LTF: variants seen among roughly 807,000 people sequenced by gnomAD.
LTF encodes the protein lactotransferrin.
In LTF, 91 loss-of-function variants were observed where a neutral mutation model predicts 87.2. The ratio of observed to expected loss-of-function variants is 1.04; its 90% CI spans 0.88 to 1.24. The LOEUF is 1.24. LTF is among the 50% of genes most tolerant of loss of function. The probability of loss-of-function intolerance (pLI) is 0.00; values close to 1 mark genes in which losing one functional copy is unlikely to be tolerated. For missense variants in LTF, 901 were observed against 904.3 expected, an observed-to-expected ratio of 1.00 and a Z score of 0.05; for synonymous variants, 378 against 356.1, an observed-to-expected ratio of 1.06 and a Z score of -0.69.
intron 2 of LTF, among the ~76,000 whole-genome samples, chr3:46,456,762 G>A (rs568972860): frequency 6.6e-6 from 1 of 152,308 alleles, no homozygotes; most frequent in East Asian, 1.9e-4. Flanking sequence ...AGAAAATATA[G>A]TTATTAAGCT....
chr3:46,472,488 T>TGTGTG (rs1703304601), intron 1 of LTF, among the ~76,000 whole-genome samples: 5 of 106,928 alleles, frequency 4.7e-5, no homozygotes, highest in Non-Finnish European at 9.3e-5. Flanking sequence ...GAAAAGATTA[T>TGTGTG]TGTGTGTGTG....
At position 46,445,038 on chromosome 3, in the gene LTF, G is replaced by A. The variant is rs146765214; in HGVS notation, c.1513+243C>T. Among the ~76,000 whole-genome samples the A allele has an allele frequency of 9.0e-3, 1,377 of 152,298 alleles. 18 individuals are homozygous for A. Among genetic ancestry groups the A allele is most frequent in the African/African-American group, 0.032 (1,309 of 41,550 alleles). On this transcript the variant is annotated intron_variant, in intron 12 of 16. Coordinates refer to ENST00000231751, the MANE Select transcript of LTF (RefSeq NM_002343.6). Reference sequence around the variant, plus strand: ...TTATTCTTAGGGTGCAGCGAAATAGGCAGATATTCCAATCTTTAATCTTGG... The same window carrying A: ...TTATTCTTAGGGTGCAGCGAAATAGACAGATATTCCAATCTTTAATCTTGG...
upstream of LTF, among the ~76,000 whole-genome samples, chr3:46,466,265 T>A (rs1316775572): frequency 6.6e-6 from 1 of 151,466 alleles, no homozygotes; most frequent in African/African-American, 2.4e-5. Context: ...AAAGGGTAAC[T>A]AAGTGAAGAA....
intron 1 of LTF, among the ~76,000 whole-genome samples, chr3:46,473,936 G>A (rs1208271991): frequency 1.3e-5 from 2 of 152,002 alleles, no homozygotes; most frequent in African/African-American, 2.4e-5. Context: ...TAATACCTAC[G>A]GTAACCACTA....
Position 46,435,818 on chromosome 3 carries a change from G to A in LTF, c.*377C>T, listed in dbSNP as rs1702372713. ...AGACAGCTATGTGAATAACCAACAA[G>A]ATCCCCTTAGGAAAACCGGTGCTTG... On this transcript the variant is annotated 3_prime_UTR_variant, in exon 17 of 17. Transcript: ENST00000231751. 3.6e-6 allele frequency: 1 copy of A among 279,854 alleles called. No homozygotes were observed. The allele number at this position is 279,854 out of a possible 1,614,324, so 17.3% of individuals were successfully genotyped here. A position where few individuals can be genotyped will look rare whatever the true frequency, so the allele number is the denominator to read the frequency against.
At chr3:46,443,415 C>G (rs755773443) in intron 13 of LTF, 26 bp downstream of exon 13, 2 of 1,613,454 alleles carry the variant, frequency 1.2e-6, no homozygotes, top group East Asian at 2.2e-5. Flanking sequence ...AGTCCCCATC[C>G]TGATGGAGCT....
Position 46,455,804 on chromosome 3 carries a change from A to T in LTF, c.491T>A (p.Ile164Asn). The change falls in exon 4 of 17, where the codon ATT becomes AAT. Residue 164 changes from isoleucine to asparagine, a missense_variant. Physicochemically the swap from Ile to Asn is moderately radical, Grantham distance 149. Transcript: ENST00000231751. ...TCCCCCAGCCATCTTACCTGCCTCA[A>T]TGGGCTCAGGTGGACCCGTCCAATT... is the stretch of plus-strand genomic sequence containing the variant. ...FLNWTGPPEP[I>N]EAAVARFFSA... 4 of 1,564,814 alleles carry T rather than the reference A, an allele frequency of 2.6e-6. 1 individual carries two copies. In the South Asian group the frequency reaches 4.8e-5, roughly 19 times the overall value.
At chr3:46,437,437 C>A (rs113473025) in intron 16 of LTF, among the ~76,000 whole-genome samples, 1 of 134,078 alleles carries the variant, frequency 7.5e-6, no homozygotes, top group African/African-American at 3.1e-5. Context: ...CCTCCTATTT[C>A]AGCCTCTCAA....
chr3:46,463,008 C>A (rs1359058185), intron 1 of LTF, among the ~76,000 whole-genome samples: 1 of 152,038 alleles, frequency 6.6e-6, no homozygotes, highest in Non-Finnish European at 1.5e-5. Flanking sequence ...ATTCCCAGTC[C>A]CCAGCCCCCC....
chr3:46,448,812 CCTAGGT>C, intron 9 of LTF, 45 bp downstream of exon 9: 1 of 1,597,900 alleles, frequency 6.3e-7, no homozygotes, highest in Non-Finnish European at 8.5e-7. Context: ...ATGCCCAGGC[CCTAGGT>C]CTTCCACCGG....
chr3:46,448,952 G>A lies in LTF; in HGVS notation c.1123C>T (p.Arg375Cys), dbSNP rs371574552. Residue 375 changes from arginine to cysteine, a missense_variant, in exon 9 of 17, where the codon CGC becomes TGC. Transcript: ENST00000231751. The stretch of plus-strand genomic sequence containing the variant: ...AAGCCACTCCACTGGTTACACTTGC[G>A]CAGCTCCTGCTCGCCCACCGCACAC... ...VWCAVGEQEL[R>C]KCNQWSGLSE... 7.2e-5 allele frequency: 116 copies of A among 1,613,292 alleles called. No individual in the cohort carries two copies. The highest frequency in any genetic ancestry group is 7.0e-4 in the South Asian group (64 of 91,024).
intron 9 of LTF, 83 bp downstream of exon 9, chr3:46,448,776 TTGAC>T: frequency 1.3e-6 from 2 of 1,523,762 alleles, no homozygotes; most frequent in South Asian, 2.4e-5. Context: ...CGTGGCCTCT[TTGAC>T]TGTTGACTTC....
intron 1 of LTF, among the ~76,000 whole-genome samples, chr3:46,482,806 A>G (rs12490082): frequency 2.8e-4 from 21 of 74,482 alleles, no homozygotes; most frequent in South Asian, 2.4e-3. Flanking sequence ...AAGGAAGGAA[A>G]GAAAGAAAGA....
chr3:46,445,361 C>T lies in LTF; in HGVS notation c.1433G>A (p.Cys478Tyr), dbSNP rs1377154058. Residue 478 changes from cysteine to tyrosine, a missense_variant, in exon 12 of 17, where the codon TGC (cysteine) becomes TAC (tyrosine). Cys to Tyr is a radical substitution (Grantham distance 194, BLOSUM62 -2). Coordinates refer to ENST00000231751, the MANE Select transcript of LTF (RefSeq NM_002343.6). The part of the protein sequence containing the change: ...TWNSVKGKKS[C>Y]HTAVDRTAGW... Reference sequence around the variant, plus strand: ...TGCAGTCCTGTCCACGGCGGTGTGGCAGGACTTCTTGCCTTTCACAGAGTT... The same window carrying T: ...TGCAGTCCTGTCCACGGCGGTGTGGTAGGACTTCTTGCCTTTCACAGAGTT... 1 of 1,614,048 alleles carries T rather than the reference C, an allele frequency of 6.2e-7. No homozygotes were observed. Among genetic ancestry groups the T allele is most frequent in the Non-Finnish European group, 8.5e-7 (1 of 1,179,954 alleles).
At chr3:46,477,300 G>C (rs963144175) in intron 1 of LTF, among the ~76,000 whole-genome samples, 1 of 152,182 alleles carries the variant, frequency 6.6e-6, no homozygotes, top group Non-Finnish European at 1.5e-5. Flanking sequence ...CCCTCCACTT[G>C]CCTCTGTGAG....
At chr3:46,443,688 G>A (rs1702578048) in intron 12 of LTF, 106 bp from the exon 13 acceptor site, 2 of 1,047,874 alleles carry the variant, frequency 1.9e-6, no homozygotes, top group African/African-American at 1.6e-5. Context: ...AGACTTCCCA[G>A]GACAGCAATC....
At chr3:46,474,708 AC>A (rs887725664) in intron 1 of LTF, among the ~76,000 whole-genome samples, 2 of 152,230 alleles carry the variant, frequency 1.3e-5, no homozygotes, top group Admixed American at 1.3e-4. Flanking sequence ...GGGACATAAA[AC>A]AAACCTCAAC....
chr3:46,446,481 C>A lies in LTF; in HGVS notation c.1316G>T (p.Ser439Ile), dbSNP rs1019548589. The A allele has an allele frequency of 3.1e-6, 5 of 1,613,726 alleles. No homozygotes were observed. In the African/African-American group the frequency reaches 6.7e-5, roughly 22 times the overall value. Residue 439 changes from serine (S) to isoleucine (I), a missense_variant, in exon 11 of 17, where the codon AGC (serine) becomes ATC (isoleucine). Ser to Ile is a moderately radical substitution (Grantham distance 142, BLOSUM62 -2). Coordinates refer to ENST00000231751, the MANE Select transcript of LTF (RefSeq NM_002343.6). The stretch of plus-strand genomic sequence containing the variant: ...CACACAGTTAGGATCAGGGTCACTG[C>A]TTTGTTGGGATTCTGAAAGAATAAA... Reference protein sequence around the residue: ...VLAENYKSQQSSDPDPNCVDR... With the variant: ...VLAENYKSQQISDPDPNCVDR...
chr3:46,438,550 C>T (rs1702442383), intron 15 of LTF, among the ~76,000 whole-genome samples: 2 of 152,204 alleles, frequency 1.3e-5, no homozygotes, highest in South Asian at 4.1e-4. Flanking sequence ...CACTAACCAG[C>T]TCAGTGTGCA....
Sources: gnomAD v4.1 joint callset for allele counts (sites outside exome capture counted in the v4.1 genomes callset) on GRCh38, gnomAD v4.1.1 for gene constraint, MANE v1.5 for transcripts, NCBI Gene and HGNC (gene_info 2026-07-23, HGNC 2026-07-21) for gene names.